Variants in P4HA1 observed in about 807,000 individuals in gnomAD.
The protein encoded by P4HA1 is prolyl 4-hydroxylase subunit alpha-1.
Under a neutral mutation model 72.8 loss-of-function variants are expected in P4HA1, and 24 were observed. That is an observed-to-expected ratio of 0.33 (90% CI 0.24 to 0.46). The LOEUF is 0.46. P4HA1 is among the 20% of genes least tolerant of loss of function. The pLI is 1.00. For missense variants in P4HA1, 446 were observed against 640.6 expected (o/e 0.70, Z 3.28); for synonymous variants, 201 against 218.8 (o/e 0.92, Z 0.72).
chr10:73,090,813 C>A (rs1335671639), intron 1 of P4HA1, among the ~76,000 whole-genome samples: 1 of 152,014 alleles, frequency 6.6e-6, no homozygotes, highest in Non-Finnish European at 1.5e-5. Flanking sequence ...GTAATCCCAG[C>A]ACTTTGGGAG....
intron 9 of P4HA1, among the ~76,000 whole-genome samples, chr10:73,037,575 T>G (rs868651247): frequency 2.3e-5 from 2 of 85,774 alleles, no homozygotes; most frequent in African/African-American, 1.2e-4. Context: ...ATATATATTT[T>G]TTTTTTTTTT....
At chr10:73,034,233 G>A (rs985149878) in intron 9 of P4HA1, among the ~76,000 whole-genome samples, 1 of 151,736 alleles carries the variant, frequency 6.6e-6, no homozygotes, top group Non-Finnish European at 1.5e-5. Context: ...AAAAATTTGT[G>A]GTAAAATACA....
At chr10:73,011,687 A>AT (rs2133030363) in intron 12 of P4HA1, among the ~76,000 whole-genome samples, 1 of 152,268 alleles carries the variant, frequency 6.6e-6, no homozygotes, top group Non-Finnish European at 1.5e-5. Context: ...GATCATAAAG[A>AT]TTTTTTTAAA....
At chr10:73,087,655 T>C (rs1430977891) in intron 1 of P4HA1, among the ~76,000 whole-genome samples, 1 of 151,952 alleles carries the variant, frequency 6.6e-6, no homozygotes, top group African/African-American at 2.4e-5. Flanking sequence ...TTTAATTAGG[T>C]TGTTTACTTT....
At chr10:73,041,612 G>T (rs1840739024) in intron 9 of P4HA1, among the ~76,000 whole-genome samples, 1 of 150,342 alleles carries the variant, frequency 6.7e-6, no homozygotes, top group Non-Finnish European at 1.5e-5. Flanking sequence ...CAATCCAGAA[G>T]TATCCTCTCT....
At chr10:73,094,188 T>C (rs2133177098) in intron 1 of P4HA1, among the ~76,000 whole-genome samples, 1 of 152,186 alleles carries the variant, frequency 6.6e-6, no homozygotes, top group South Asian at 2.1e-4. Flanking sequence ...ATTTCAACAA[T>C]TCTAACAACC....
intron 5 of P4HA1, among the ~76,000 whole-genome samples, chr10:73,064,045 T>C (rs182426353): frequency 2.4e-4 from 37 of 152,066 alleles, no homozygotes; most frequent in East Asian, 1.5e-3. Context: ...CAAGAATAAG[T>C]TGTAAATTCC....
At chr10:73,067,559 C>T (rs1445069171) in intron 5 of P4HA1, among the ~76,000 whole-genome samples, 1 of 152,184 alleles carries the variant, frequency 6.6e-6, no homozygotes, top group African/African-American at 2.4e-5. Flanking sequence ...GCGTTCACCT[C>T]TTGAACTCTA....
intron 9 of P4HA1, among the ~76,000 whole-genome samples, chr10:73,032,922 A>C (rs992951991): frequency 1.4e-5 from 2 of 148,128 alleles, no homozygotes; most frequent in African/African-American, 5.2e-5. Context: ...TATATTACTA[A>C]AATTATTTGC....
intron 5 of P4HA1, among the ~76,000 whole-genome samples, chr10:73,064,251 G>T (rs1256025376): frequency 6.6e-6 from 1 of 152,100 alleles, no homozygotes; most frequent in Non-Finnish European, 1.5e-5. Context: ...CGGGGGGGTG[G>T]ATTGCTTGAG....
At chr10:73,034,512 C>T (rs1027819330) in intron 9 of P4HA1, among the ~76,000 whole-genome samples, 1 of 151,660 alleles carries the variant, frequency 6.6e-6, no homozygotes, top group Non-Finnish European at 1.5e-5. Context: ...TTTGCCTATT[C>T]TAGGTATCTC....
At chr10:73,048,234 T>G (rs889732547) in intron 7 of P4HA1, among the ~76,000 whole-genome samples, 19 of 152,202 alleles carry the variant, frequency 1.2e-4, no homozygotes, top group African/African-American at 3.9e-4. Flanking sequence ...AATGATGAGA[T>G]GAATGTAGCT....
chr10:73,062,382 A>T (rs1317362384), intron 5 of P4HA1, among the ~76,000 whole-genome samples: 2 of 152,246 alleles, frequency 1.3e-5, no homozygotes, highest in East Asian at 3.9e-4. Context: ...TAAAAAAAAA[A>T]TGACAGGTAT....
intron 3 of P4HA1, among the ~76,000 whole-genome samples, chr10:73,072,987 T>C (rs1589620470): frequency 6.6e-6 from 1 of 151,818 alleles, no homozygotes; most frequent in Non-Finnish European, 1.5e-5. Flanking sequence ...CTGGCCAACA[T>C]GGCAAAACCC....
At chr10:73,040,260 A>G (rs184340696) in intron 9 of P4HA1, among the ~76,000 whole-genome samples, 16 of 152,244 alleles carry the variant, frequency 1.1e-4, no homozygotes, top group Admixed American at 1.0e-3. Flanking sequence ...AAACTGCTTA[A>G]GAGCTACAAA....
chr10:73,040,543 T>C (rs1485211425), intron 9 of P4HA1, among the ~76,000 whole-genome samples: 1 of 151,094 alleles, frequency 6.6e-6, no homozygotes, highest in African/African-American at 2.4e-5. Context: ...TGGCATGATC[T>C]CGGCTCACTG....
chr10:73,058,090 GAAAAAAAAA>G (rs869244017), intron 5 of P4HA1, among the ~76,000 whole-genome samples: 263 of 23,052 alleles, frequency 0.011, no homozygotes, highest in African/African-American at 0.037. Flanking sequence ...ACTCCGTCCA[GAAAAAAAAA>G]AAAAAAAAAA....
chr10:73,027,608 GGGAA>G (rs1359755085), intron 10 of P4HA1, among the ~76,000 whole-genome samples: 6 of 122,198 alleles, frequency 4.9e-5, no homozygotes, highest in South Asian at 2.9e-4. Context: ...AAAAAAAAAA[GGGAA>G]GGAAGGAAGG....
At chr10:73,025,686 G>A (rs960855951) in intron 10 of P4HA1, among the ~76,000 whole-genome samples, 20 of 152,126 alleles carry the variant, frequency 1.3e-4, no homozygotes, top group Non-Finnish European at 2.9e-5. Context: ...CCTGTTTGCA[G>A]ATGACATGAT....
Sources: gnomAD v4.1 joint callset for allele counts (sites outside exome capture counted in the v4.1 genomes callset) on GRCh38, gnomAD v4.1.1 for gene constraint, MANE v1.5 for transcripts, NCBI Gene and HGNC (gene_info 2026-07-23, HGNC 2026-07-21) for gene names.